Variants in LUZP2 observed in about 807,000 individuals in gnomAD.
LUZP2 encodes the protein leucine zipper protein 2.
A neutral mutation model predicts 51.6 loss-of-function variants in LUZP2; 52 were observed. The ratio of observed to expected loss-of-function variants is 1.01; its 90% CI spans 0.81 to 1.27. LUZP2 has a LOEUF of 1.27. LUZP2 is among the 50% of genes most tolerant of loss of function. LUZP2 has a pLI of 0.00. For synonymous variants in LUZP2, 154 were observed against 137.3 expected, an observed-to-expected ratio of 1.12 and a Z score of -0.85; for missense variants, 436 against 395.4, an observed-to-expected ratio of 1.10 and a Z score of -0.87.
intron 7 of LUZP2, among the ~76,000 whole-genome samples, chr11:24,964,863 G>C (rs990955928): frequency 2.6e-5 from 4 of 151,504 alleles, no homozygotes; most frequent in African/African-American, 2.4e-5. Flanking sequence ...GAAATTTCTT[G>C]TTCTCAATGC....
intron 1 of LUZP2, among the ~76,000 whole-genome samples, chr11:24,623,330 T>A (rs996566242): frequency 2.0e-5 from 3 of 152,248 alleles, no homozygotes; most frequent in Non-Finnish European, 4.4e-5. Flanking sequence ...TCAGAATTAC[T>A]TGAGGAAGAA....
intron 5 of LUZP2, among the ~76,000 whole-genome samples, chr11:24,769,797 G>T (rs559470451): frequency 0.03 from 4,100 of 137,618 alleles, 108 homozygotes; most frequent in African/African-American, 0.082. Context: ...TTTTTTGTTT[G>T]TTTGTTTTGT....
At chr11:24,732,228 T>C (rs1858740530) in intron 3 of LUZP2, 40 bp downstream of exon 3, 1 of 1,455,148 alleles carries the variant, frequency 6.9e-7, no homozygotes, top group African/African-American at 1.4e-5. Flanking sequence ...TCTGCCATAG[T>C]GTCAAGCAAC....
intron 7 of LUZP2, among the ~76,000 whole-genome samples, chr11:24,940,637 T>C (rs1854720689): frequency 6.6e-6 from 1 of 152,196 alleles, no homozygotes; most frequent in Admixed American, 6.5e-5. Flanking sequence ...CAACTTATAA[T>C]AGCTTCTGGC....
chr11:24,978,048 T>A (rs1193084658), intron 8 of LUZP2, among the ~76,000 whole-genome samples: 1 of 151,596 alleles, frequency 6.6e-6, no homozygotes, highest in Non-Finnish European at 1.5e-5. Context: ...TAGTACACTG[T>A]ATACATTTAG....
intron 1 of LUZP2, among the ~76,000 whole-genome samples, chr11:24,616,913 C>A (rs1854307707): frequency 6.6e-6 from 1 of 152,126 alleles, no homozygotes; most frequent in Non-Finnish European, 1.5e-5. Context: ...TGTTTTATGG[C>A]ACACAGCATG....
In LUZP2 at chr11:24,982,005, A is replaced by G. The variant is rs117723662; in HGVS notation, c.598-1121A>G. On this transcript the variant is annotated intron_variant, in intron 8 of 11. Coordinates refer to ENST00000336930, the MANE Select transcript of LUZP2 (RefSeq NM_001009909.4). The stretch of plus-strand genomic sequence containing the variant: ...CACACATGTGGCCAACAAGCATATG[A>G]AAAAAGCTCAATATCACTAATTATT... Among the ~76,000 whole-genome samples the G allele has an allele frequency of 6.8e-3, 1,037 of 152,102 alleles. 33 individuals are homozygous for G. In the East Asian group the frequency reaches 0.099, roughly 14 times the overall value.
intron 5 of LUZP2, among the ~76,000 whole-genome samples, chr11:24,792,492 G>A (rs1057134627): frequency 2.6e-5 from 4 of 151,760 alleles, no homozygotes; most frequent in South Asian, 2.1e-4. Flanking sequence ...TATTGGACAC[G>A]TACTCTATGT....
At chr11:24,774,033 G>C (rs1848830303) in intron 5 of LUZP2, among the ~76,000 whole-genome samples, 1 of 151,948 alleles carries the variant, frequency 6.6e-6, no homozygotes, top group Non-Finnish European at 1.5e-5. Context: ...TGTTGCCAAA[G>C]GAGGTTAACA....
At chr11:24,621,139 G>A (rs1331190056) in intron 1 of LUZP2, among the ~76,000 whole-genome samples, 2 of 152,154 alleles carry the variant, frequency 1.3e-5, no homozygotes, top group Non-Finnish European at 2.9e-5. Context: ...TGTCTCTTGA[G>A]CTTATCACAC....
intron 9 of LUZP2, among the ~76,000 whole-genome samples, chr11:25,023,702 T>C (rs1189564386): frequency 6.6e-6 from 1 of 152,162 alleles, no homozygotes; most frequent in Non-Finnish European, 1.5e-5. Context: ...CTCTTGCTTC[T>C]CTAGTTATTT....
At position 24,935,665 on chromosome 11, in the gene LUZP2, A is replaced by G. The variant is rs116595192; in HGVS notation, c.522+21127A>G. 7.5e-3 allele frequency among the ~76,000 whole-genome samples: 1,144 copies of G among 152,282 alleles called. 14 individuals carry two copies. The highest frequency in any genetic ancestry group is 0.023 in the African/African-American group (953 of 41,562). Reference sequence around the variant, plus strand: ...TCTTCTAAAACAATTTCATTATGAAAGTAAAATAAAAAAGAAAGATTAGTG... The same window carrying G: ...TCTTCTAAAACAATTTCATTATGAAGGTAAAATAAAAAAGAAAGATTAGTG... On this transcript the variant is annotated intron_variant, in intron 7 of 11. Coordinates refer to ENST00000336930, the MANE Select transcript of LUZP2 (RefSeq NM_001009909.4).
At chr11:24,575,798 T>G (rs1266733324) in intron 1 of LUZP2, among the ~76,000 whole-genome samples, 1 of 152,136 alleles carries the variant, frequency 6.6e-6, no homozygotes, top group African/African-American at 2.4e-5. Flanking sequence ...AACCACATCT[T>G]TGCTTACCAG....
intron 9 of LUZP2, among the ~76,000 whole-genome samples, chr11:24,997,326 T>G (rs1856535503): frequency 6.6e-6 from 1 of 152,222 alleles, no homozygotes. Context: ...TGGTGTGAGA[T>G]GGTATCCCAT....
At chr11:24,931,410 G>C (rs555449144) in intron 7 of LUZP2, among the ~76,000 whole-genome samples, 1 of 151,956 alleles carries the variant, frequency 6.6e-6, no homozygotes, top group East Asian at 1.9e-4. Context: ...GGCGTTTCTC[G>C]TTAGGTAGAA....
intron 7 of LUZP2, among the ~76,000 whole-genome samples, chr11:24,925,405 T>C (rs956597108): frequency 7.2e-5 from 11 of 152,194 alleles, no homozygotes; most frequent in African/African-American, 2.2e-4. Context: ...TCCTATACTC[T>C]ACCAGTTTAA....
chr11:24,631,304 A>G (rs909451319), intron 1 of LUZP2, among the ~76,000 whole-genome samples: 3 of 151,212 alleles, frequency 2.0e-5, no homozygotes, highest in Admixed American at 6.6e-5. Flanking sequence ...TCCACTTACT[A>G]TGATGTTGGC....
Position 24,659,210 on chromosome 11 carries a change from G to C in LUZP2, c.63-69959G>C, listed in dbSNP as rs536643272. ...TGATAAACTGGATTAAGAAAATGTG[G>C]CACATATACACCATGGAATACTATG... On this transcript the variant is annotated intron_variant, in intron 1 of 11. Coordinates refer to ENST00000336930, the MANE Select transcript of LUZP2 (RefSeq NM_001009909.4). Among the ~76,000 whole-genome samples, 107 of 152,260 alleles carry C rather than the reference G, an allele frequency of 7.0e-4. 3 individuals carry two copies. In the South Asian group the frequency reaches 0.015, roughly 21 times the overall value.
intron 5 of LUZP2, among the ~76,000 whole-genome samples, chr11:24,813,971 G>A (rs78380748): frequency 0.044 from 6,633 of 152,300 alleles, 147 homozygotes; most frequent in Middle Eastern, 0.092. Context: ...CACCTTCAGT[G>A]GCTGTCATGA....
Sources: gnomAD v4.1 joint callset for allele counts (sites outside exome capture counted in the v4.1 genomes callset) on GRCh38, gnomAD v4.1.1 for gene constraint, MANE v1.5 for transcripts, NCBI Gene and HGNC (gene_info 2026-07-23, HGNC 2026-07-21) for gene names.